Variants in LRP6 observed in about 807,000 individuals in gnomAD.
LRP6 encodes the protein low-density lipoprotein receptor-related protein 6.
In LRP6, 43 loss-of-function variants were observed where a neutral mutation model predicts 184.1. The ratio of observed to expected loss-of-function variants is 0.23; its 90% confidence interval spans 0.18 to 0.30. The LOEUF is 0.30. Among genes scored for constraint, LRP6 ranks in the 10% least tolerant of loss-of-function variants. The pLI is 1.00. For missense variants in LRP6, 1,571 were observed against 2,005.3 expected (o/e 0.78, Z 4.14); for synonymous variants, 719 against 684.9 (o/e 1.05, Z -0.78).
At chr12:12,168,959 T>C (rs1260900920) in intron 7 of LRP6, among the ~76,000 whole-genome samples, 1 of 152,176 alleles carries the variant, frequency 6.6e-6, no homozygotes, top group Non-Finnish European at 1.5e-5. Context: ...CCAGGCGCAG[T>C]GGTTCACACC....
chr12:12,244,216 AC>A, intron 2 of LRP6, 45 bp downstream of exon 2: 1 of 1,606,890 alleles, frequency 6.2e-7, no homozygotes, highest in Non-Finnish European at 8.5e-7. Flanking sequence ...GTGGAGAAAA[AC>A]CGAAAGGAGG....
chr12:12,192,174 C>A (rs1863636325), intron 3 of LRP6, among the ~76,000 whole-genome samples: 1 of 151,808 alleles, frequency 6.6e-6, no homozygotes, highest in Non-Finnish European at 1.5e-5. Flanking sequence ...TGGAGATATA[C>A]TTAGAGTAAA....
chr12:12,236,730 T>C (rs1273967919), intron 2 of LRP6, among the ~76,000 whole-genome samples: 2 of 152,154 alleles, frequency 1.3e-5, no homozygotes, highest in East Asian at 3.8e-4. Context: ...CGGGAAACAC[T>C]TTATTTATAT....
chr12:12,245,002 T>G (rs1415352959), intron 1 of LRP6, among the ~76,000 whole-genome samples: 1 of 152,218 alleles, frequency 6.6e-6, no homozygotes, highest in Non-Finnish European at 1.5e-5. Context: ...TACAGCCACT[T>G]GGGAAAACAG....
At chr12:12,210,482 A>G (rs935489246) in intron 2 of LRP6, among the ~76,000 whole-genome samples, 1 of 152,196 alleles carries the variant, frequency 6.6e-6, no homozygotes, top group Non-Finnish European at 1.5e-5. Flanking sequence ...TCAGTGTAAA[A>G]ATAAGTGAAA....
chr12:12,191,177 G>A (rs1305489295), intron 3 of LRP6, among the ~76,000 whole-genome samples: 10 of 152,158 alleles, frequency 6.6e-5, no homozygotes, highest in Non-Finnish European at 7.3e-5. Flanking sequence ...TGAATTCATC[G>A]TCAGGCACTG....
At position 12,117,660 on chromosome 12, in the gene LRP6, C is replaced by G. The variant is rs1353172487; in HGVS notation, c.*3466G>C. The G allele has an allele frequency of 6.6e-6, 1 of 152,208 alleles. No homozygotes were observed. Among genetic ancestry groups the G allele is most frequent in the African/African-American group, 2.4e-5 (1 of 41,464 alleles). The allele number at this position is 152,208 out of a possible 1,614,324, so 9.4% of individuals were successfully genotyped here. A position where few individuals can be genotyped will look rare whatever the true frequency, so the allele number is the denominator to read the frequency against. On this transcript the variant is annotated 3_prime_UTR_variant, in exon 23 of 23. Transcript: ENST00000261349. ...CAGTCTCTATTATGACTACTGGTAT[C>G]AAGTCACATAAATAAACACACTTCA...
chr12:12,148,889 G>T, intron 14 of LRP6, 53 bp downstream of exon 14: 1 of 1,254,178 alleles, frequency 8.0e-7, no homozygotes, highest in Non-Finnish European at 1.2e-6. Context: ...GAAAAAGAAG[G>T]GTGAGGAGAG....
chr12:12,145,173 A>C (rs1273275602), intron 15 of LRP6, among the ~76,000 whole-genome samples: 1 of 152,154 alleles, frequency 6.6e-6, no homozygotes, highest in African/African-American at 2.4e-5. Flanking sequence ...GTACCCAGAA[A>C]AAAAAATTAG....
At chr12:12,161,699 T>C (rs1284230743) in intron 10 of LRP6, among the ~76,000 whole-genome samples, 2 of 152,248 alleles carry the variant, frequency 1.3e-5, no homozygotes, top group Non-Finnish European at 2.9e-5. Flanking sequence ...GTGAACAGTT[T>C]ATTCTATCTT....
At position 12,147,475 on chromosome 12, in the gene LRP6, G is replaced by T; in HGVS notation, c.3288C>A (p.Leu1096=). ...AALDGTEREV[L]FFSGLSKPIA... ...TTGGTTTACTTAAGCCACTGAAAAA[G>T]AGGACCTCCCGTTCTGTCCCATCCA... The change falls in exon 15 of 23, where the codon CTC becomes CTA. Residue 1096 remains leucine, a synonymous_variant. Coordinates refer to ENST00000261349, the MANE Select transcript of LRP6 (RefSeq NM_002336.3). 2 of 1,614,108 alleles carry T rather than the reference G, an allele frequency of 1.2e-6. No individual in the cohort carries two copies. The highest frequency in any genetic ancestry group is 1.7e-6 in the Non-Finnish European group (2 of 1,180,016).
intron 2 of LRP6, 66 bp from the exon 3 acceptor site, chr12:12,203,466 T>G (rs1306128258): frequency 3.7e-6 from 5 of 1,351,188 alleles, no homozygotes; most frequent in Non-Finnish European, 5.3e-6. Context: ...CTGTAATTAT[T>G]ACTATTAAAG....
chr12:12,176,626 C>T (rs1347069462), intron 7 of LRP6, among the ~76,000 whole-genome samples: 6 of 152,166 alleles, frequency 3.9e-5, no homozygotes. Flanking sequence ...CTGGTCACAT[C>T]ACCACTTACA....
At chr12:12,238,584 C>T (rs1263096530) in intron 2 of LRP6, among the ~76,000 whole-genome samples, 4 of 151,980 alleles carry the variant, frequency 2.6e-5, no homozygotes, top group African/African-American at 7.2e-5. Context: ...CAGACTTAAT[C>T]GTACCAACAA....
rs1461871004 is a variant in LRP6 at position 12,124,666 on chromosome 12, A to T, written c.4450-4T>A. The T allele has an allele frequency of 1.3e-6, 2 of 1,565,860 alleles. No individual in the cohort carries two copies. Among genetic ancestry groups the T allele is most frequent in the East Asian group, 2.2e-5 (1 of 44,510 alleles). On this transcript the variant is annotated splice_polypyrimidine_tract_variant and splice_region_variant and intron_variant, in intron 21 of 22. Coordinates refer to ENST00000261349, the MANE Select transcript of LRP6 (RefSeq NM_002336.3). ...GGGATGGTGGAGGGTTCAAAATCTA[A>T]AAGAAAAAAATAATTAAAATATTAA...
At chr12:12,214,883 C>A (rs1864299792) in intron 2 of LRP6, among the ~76,000 whole-genome samples, 1 of 152,202 alleles carries the variant, frequency 6.6e-6, no homozygotes, top group Non-Finnish European at 1.5e-5. Context: ...TATCAAATAA[C>A]TGAAACTCAC....
chr12:12,231,180 CAAAAAAAAAAAAAAA>C (rs10661340), intron 2 of LRP6, among the ~76,000 whole-genome samples: 11 of 23,558 alleles, frequency 4.7e-4, no homozygotes, highest in African/African-American at 1.8e-3. Context: ...GACTCCATCT[CAAAAAAAAAAAAAAA>C]AAAAAAAAAA....
At chr12:12,159,995 T>A (rs1302010142) in intron 10 of LRP6, 31 bp from the exon 11 acceptor site, 1 of 1,496,108 alleles carries the variant, frequency 6.7e-7, no homozygotes, top group Admixed American at 1.8e-5. Context: ...ATTTAACATT[T>A]CAATTTTTTA....
intron 3 of LRP6, among the ~76,000 whole-genome samples, chr12:12,197,340 T>C (rs1863789825): frequency 6.6e-6 from 1 of 152,206 alleles, no homozygotes; most frequent in African/African-American, 2.4e-5. Flanking sequence ...CCAGAAAGGC[T>C]TGGTTTCTTT....
Sources: gnomAD v4.1 joint callset for allele counts (sites outside exome capture counted in the v4.1 genomes callset) on GRCh38, gnomAD v4.1.1 for gene constraint, MANE v1.5 for transcripts, NCBI Gene and HGNC (gene_info 2026-07-23, HGNC 2026-07-21) for gene names.